CACNA1C: variants seen among roughly 807,000 people sequenced by gnomAD.
The protein encoded by CACNA1C is voltage-dependent L-type calcium channel subunit alpha-1C.
In CACNA1C, 30 loss-of-function variants were observed where a neutral mutation model predicts 229.0. That is an observed-to-expected ratio of 0.13 (90% confidence interval 0.10 to 0.18). The LOEUF (loss-of-function observed/expected upper bound fraction) is 0.18. Among genes scored for constraint, CACNA1C ranks in the 10% least tolerant of loss-of-function variants. CACNA1C has a pLI of 1.00. For missense variants in CACNA1C, 1,658 were observed against 2,845.0 expected, an observed-to-expected ratio of 0.58 and a Z score of 9.49; for synonymous variants, 1,114 against 1,132.5, an observed-to-expected ratio of 0.98 and a Z score of 0.33.
At chr12:2,183,583 C>CG (rs1027977805) in intron 3 of CACNA1C, among the ~76,000 whole-genome samples, 3 of 152,322 alleles carry the variant, frequency 2.0e-5, no homozygotes, top group African/African-American at 7.2e-5. Flanking sequence ...CAGACCCCCC[C>CG]CCGGCTTTCA....
At chr12:2,364,498 A>G (rs2097668942) in intron 3 of CACNA1C, among the ~76,000 whole-genome samples, 1 of 152,208 alleles carries the variant, frequency 6.6e-6, no homozygotes, top group Admixed American at 6.5e-5. Context: ...AACTTAAGTT[A>G]TGTTGTGGAA....
chr12:2,573,477 G>A (rs991045268), intron 13 of CACNA1C, among the ~76,000 whole-genome samples: 2 of 152,234 alleles, frequency 1.3e-5, no homozygotes, highest in African/African-American at 2.4e-5. Flanking sequence ...CTACACATCT[G>A]TGTATGTTTG....
chr12:2,100,482 A>AC (rs1028956665), intron 1 of CACNA1C, among the ~76,000 whole-genome samples: 5 of 20,626 alleles, frequency 2.4e-4, no homozygotes, highest in Non-Finnish European at 4.6e-4. Flanking sequence ...AAAAAAAACA[A>AC]AAAAAAAAAA....
At chr12:1,992,911 C>T (rs990514469) in intron 1 of CACNA1C, 12 of 529,510 alleles carry the variant, frequency 2.3e-5, no homozygotes, top group African/African-American at 3.8e-5. Context: ...GTTAATTCTT[C>T]GTTCAGGGAG....
intron 3 of CACNA1C, among the ~76,000 whole-genome samples, chr12:2,263,119 C>T (rs1157240402): frequency 4.6e-5 from 7 of 152,106 alleles, no homozygotes; most frequent in Admixed American, 1.3e-4. Flanking sequence ...GTGAAGATAA[C>T]GTTTGAGCAG....
intron 3 of CACNA1C, among the ~76,000 whole-genome samples, chr12:2,136,285 C>G (rs984504676): frequency 1.3e-5 from 2 of 151,308 alleles, no homozygotes; most frequent in African/African-American, 4.8e-5. Flanking sequence ...AGCTGTAGAC[C>G]GGAGCTGTTC....
rs1227167458 is a variant in CACNA1C at position 2,647,661 on chromosome 12, G to A, written c.3913-814G>A. On this transcript the variant is annotated intron_variant, in intron 30 of 46. Coordinates refer to ENST00000399655, the MANE Select transcript of CACNA1C (RefSeq NM_000719.7). This position sits in a 1 kb window ranked among gnomAD's most constrained non-coding sequence, Gnocchi z 4.2. ...CCCTCCTCAGTGTTGACTTGAAGTC[G>A]GTCTCCCCTAAACCTGAGAGGCCAC... is the stretch of plus-strand genomic sequence containing the variant. 6.6e-6 allele frequency among the ~76,000 whole-genome samples: 1 copy of A among 152,136 alleles called. No individual in the cohort carries two copies. The highest frequency in any genetic ancestry group is 2.4e-5 in the African/African-American group (1 of 41,412).
At chr12:2,670,640 C>T (rs1314390345) in intron 38 of CACNA1C, among the ~76,000 whole-genome samples, 2 of 152,004 alleles carry the variant, frequency 1.3e-5, no homozygotes, top group Non-Finnish European at 2.9e-5. Flanking sequence ...TCGGGCAGAT[C>T]CCGAGGTCAG....
rs2096995857 is a variant in CACNA1C at position 2,679,287 on chromosome 12, T to G, written c.5092-157T>G. On this transcript the variant is annotated intron_variant, in intron 41 of 46. Coordinates refer to ENST00000399655, the MANE Select transcript of CACNA1C (RefSeq NM_000719.7). This position sits in a 1 kb window ranked among gnomAD's most constrained non-coding sequence, Gnocchi z 5.5. ...GAGCAGCCAGGCATGAAGAAGGTCC[T>G]CAGGTGCTCCTGGCTCCCAGCAGGG... is the stretch of plus-strand genomic sequence containing the variant. Among the ~76,000 whole-genome samples the G allele has an allele frequency of 6.6e-6, 1 of 152,160 alleles. No homozygotes were observed. Among genetic ancestry groups the G allele is most frequent in the Non-Finnish European group, 1.5e-5 (1 of 68,022 alleles).
At chr12:2,146,682 C>G (rs1272084423) in intron 3 of CACNA1C, among the ~76,000 whole-genome samples, 1 of 151,202 alleles carries the variant, frequency 6.6e-6, no homozygotes, top group Non-Finnish European at 1.5e-5. Context: ...TTGGTTTTCC[C>G]ATTCAGCTTT....
rs2090015976 is a variant in CACNA1C, at chr12:2,630,753, G to A, written c.3829-3544G>A. ...GGGCTGGGGCACAGGAGCTCTCAGC[G>A]ACAAGGAACCTGGTTGGTTTCTGCA... On this transcript the variant is annotated intron_variant, in intron 29 of 46. Coordinates refer to ENST00000399655, the MANE Select transcript of CACNA1C (RefSeq NM_000719.7). The surrounding 1 kb of genome is among the most constrained non-coding windows in gnomAD (Gnocchi z 5.4). 1.3e-5 allele frequency among the ~76,000 whole-genome samples: 2 copies of A among 152,144 alleles called. No homozygotes were observed. The highest frequency in any genetic ancestry group is 6.5e-5 in the Admixed American group (1 of 15,284).
chr12:2,246,323 G>A (rs1214513871), intron 3 of CACNA1C, among the ~76,000 whole-genome samples: 3 of 152,132 alleles, frequency 2.0e-5, no homozygotes, highest in African/African-American at 7.2e-5. Context: ...TCTGTAGATC[G>A]GGGGCCGAGG....
chr12:2,404,425 GCATT>G (rs1266183591), intron 3 of CACNA1C, among the ~76,000 whole-genome samples: 2 of 152,184 alleles, frequency 1.3e-5, no homozygotes, highest in African/African-American at 4.8e-5. Context: ...CCCAAGCCAG[GCATT>G]TTGCATGGGA....
At chr12:2,233,203 G>A (rs1334328919) in intron 3 of CACNA1C, among the ~76,000 whole-genome samples, 3 of 152,158 alleles carry the variant, frequency 2.0e-5, no homozygotes, top group African/African-American at 7.2e-5. Flanking sequence ...GGACCAGTTC[G>A]TGACTCTCCC....
intron 3 of CACNA1C, among the ~76,000 whole-genome samples, chr12:2,441,163 C>A (rs532966495): frequency 1.3e-5 from 2 of 152,314 alleles, no homozygotes; most frequent in South Asian, 2.1e-4. Flanking sequence ...GTGGAGAATT[C>A]TTGCTGGCTT....
chr12:2,080,090 G>A (rs1199886034), intron 1 of CACNA1C, among the ~76,000 whole-genome samples: 3 of 151,894 alleles, frequency 2.0e-5, no homozygotes, highest in African/African-American at 7.3e-5. Context: ...GTGAAACCTT[G>A]TCTCTACTAA....
rs531368233 is a variant in CACNA1C, at chr12:2,413,647, C to T, written c.478-35329C>T. Reference sequence around the variant, plus strand: ...AGCCCCTCTGGCTGGGTCTGGCCGCCGTCCTACCATCTCACTCAAGTCCCG... The same window carrying T: ...AGCCCCTCTGGCTGGGTCTGGCCGCTGTCCTACCATCTCACTCAAGTCCCG... On this transcript the variant is annotated intron_variant, in intron 3 of 46. Coordinates refer to ENST00000399655, the MANE Select transcript of CACNA1C (RefSeq NM_000719.7). Among the ~76,000 whole-genome samples the T allele has an allele frequency of 6.0e-4, 92 of 152,314 alleles. 1 individual carries two copies. The highest frequency in any genetic ancestry group is 1.0e-3 in the Non-Finnish European group (71 of 68,026).
intron 13 of CACNA1C, among the ~76,000 whole-genome samples, chr12:2,572,366 T>TCC (rs1568495441): frequency 4.0e-4 from 2 of 4,984 alleles, no homozygotes; most frequent in Non-Finnish European, 4.8e-4. Flanking sequence ...CTCCTCCTCC[T>TCC]TCTCCTCTTC....
chr12:2,080,561 A>G (rs2065152462), intron 1 of CACNA1C, among the ~76,000 whole-genome samples: 1 of 151,628 alleles, frequency 6.6e-6, no homozygotes, highest in Non-Finnish European at 1.5e-5. Flanking sequence ...AGATCGCGCC[A>G]CTGCACTCCA....
Sources: gnomAD v4.1 joint callset for allele counts (sites outside exome capture counted in the v4.1 genomes callset) on GRCh38, gnomAD v4.1.1 for gene constraint, Gnocchi (gnomAD v3.1) non-coding constraint, MANE v1.5 for transcripts, NCBI Gene and HGNC (gene_info 2026-07-23, HGNC 2026-07-21) for gene names.